LRRN2: variants seen among roughly 807,000 people sequenced by gnomAD.
The protein encoded by LRRN2 is leucine-rich repeat neuronal protein 2.
Under a neutral mutation model 35.7 loss-of-function variants are expected in LRRN2, and 10 were observed. The observed-to-expected ratio is 0.28, with a 90% CI of 0.17 to 0.47. LRRN2 has a LOEUF of 0.47. Among genes scored for constraint, LRRN2 ranks in the 20% least tolerant of loss-of-function variants. LRRN2 has a pLI of 0.99. For missense variants in LRRN2, 731 were observed against 940.3 expected (o/e 0.78, Z 2.91); for synonymous variants, 391 against 409.6 (o/e 0.95, Z 0.55).
intron 1 of LRRN2, among the ~76,000 whole-genome samples, chr1:204,668,256 T>C (rs2102623454): frequency 6.6e-6 from 1 of 152,230 alleles, no homozygotes; most frequent in Non-Finnish European, 1.5e-5. Context: ...AATTTGAACT[T>C]GCAGCAGTCT....
intron 1 of LRRN2, among the ~76,000 whole-genome samples, chr1:204,652,314 C>A (rs963242729): frequency 4.7e-5 from 7 of 147,444 alleles, no homozygotes; most frequent in Non-Finnish European, 1.0e-4. Context: ...ACCACAGCTG[C>A]AGGCGCCTTG....
intron 1 of LRRN2, among the ~76,000 whole-genome samples, chr1:204,670,551 G>A (rs1668686264): frequency 6.6e-6 from 1 of 152,154 alleles, no homozygotes. Flanking sequence ...AGCCGTTCGT[G>A]TGGCTGAGAT....
At position 204,617,674 on chromosome 1, in the gene LRRN2, T is replaced by C; in HGVS notation, c.*177A>G. On this transcript the variant is annotated 3_prime_UTR_variant, in exon 2 of 2. Coordinates refer to ENST00000367177, the MANE Select transcript of LRRN2 (RefSeq NM_201630.2). Reference sequence around the variant, plus strand: ...GACCCTAGGAGGTAAGGGCAACTTTTTCGAGGCTGCAGAAGCACCCCCAGG... The same window carrying C: ...GACCCTAGGAGGTAAGGGCAACTTTCTCGAGGCTGCAGAAGCACCCCCAGG... 1 of 702,212 alleles carries C rather than the reference T, an allele frequency of 1.4e-6. No individual in the cohort carries two copies. Among genetic ancestry groups the C allele is most frequent in the South Asian group, 1.8e-5 (1 of 55,754 alleles). 43.5% of individuals were successfully genotyped at this position (702,212 alleles called of 1,614,324 possible).
intron 1 of LRRN2, among the ~76,000 whole-genome samples, chr1:204,655,371 CCT>C (rs1296241040): frequency 1.3e-5 from 2 of 152,024 alleles, no homozygotes; most frequent in African/African-American, 4.8e-5. Context: ...CACTGCAGCC[CCT>C]GTCTCCCAGG....
At chr1:204,659,609 GGTGTGT>G (rs113175099) in intron 1 of LRRN2, among the ~76,000 whole-genome samples, 12 of 148,056 alleles carry the variant, frequency 8.1e-5, no homozygotes, top group South Asian at 2.2e-4. Context: ...TCTACCTTCA[GGTGTGT>G]GTGTGTGTGT....
In LRRN2 at chr1:204,617,867, A is replaced by G; in HGVS notation, c.2126T>C (p.Leu709Ser). 9.3e-6 allele frequency: 15 copies of G among 1,614,024 alleles called. No homozygotes were observed. The highest frequency in any genetic ancestry group is 1.2e-5 in the Non-Finnish European group (14 of 1,179,946). ...SSEGETLLPP[L>S]SQNS ...GGCTGAGCTTCAAGAATTTTGAGAC[A>G]ATGGTGGCAACAGTGTCTCCCCTTC... is the stretch of plus-strand genomic sequence containing the variant. Residue 709 changes from leucine to serine, a missense_variant, in exon 2 of 2, where the codon TTG (leucine) becomes TCG (serine). Coordinates refer to ENST00000367177, the MANE Select transcript of LRRN2 (RefSeq NM_201630.2).
chr1:204,638,068 AG>A (rs1205348992), intron 1 of LRRN2, among the ~76,000 whole-genome samples: 1 of 151,914 alleles, frequency 6.6e-6, no homozygotes, highest in East Asian at 1.9e-4. Flanking sequence ...CACTGAGCGT[AG>A]GGGGACCCCA....
intron 1 of LRRN2, among the ~76,000 whole-genome samples, chr1:204,679,982 G>A (rs1270338536): frequency 1.3e-5 from 2 of 152,202 alleles, no homozygotes; most frequent in African/African-American, 4.8e-5. Context: ...CTGGAGGGAG[G>A]GAAGGAGGAG....
At chr1:204,660,592 C>T (rs1002995077) in intron 1 of LRRN2, among the ~76,000 whole-genome samples, 1 of 152,026 alleles carries the variant, frequency 6.6e-6, no homozygotes, top group African/African-American at 2.4e-5. Flanking sequence ...CTCTCTCTCT[C>T]TCTCTCTCTC....
chr1:204,681,474 G>A (rs1021375260), intron 1 of LRRN2, among the ~76,000 whole-genome samples: 16 of 152,162 alleles, frequency 1.1e-4, no homozygotes, highest in African/African-American at 3.6e-4. Context: ...ATTTATAGAT[G>A]AGGAAACTGA....
At chr1:204,654,207 A>G (rs191277641) in intron 1 of LRRN2, among the ~76,000 whole-genome samples, 9 of 152,312 alleles carry the variant, frequency 5.9e-5, no homozygotes, top group Admixed American at 3.9e-4. Flanking sequence ...GCCAACCCAA[A>G]GTCAGTAAGG....
rs1210132510 is a variant in LRRN2, at chr1:204,619,917, G to T, written c.76C>A (p.His26Asn). ...ATAAVPVVPWHVPCPPQCACQ... is the reference protein window; with the variant it reads ...ATAAVPVVPWNVPCPPQCACQ... ...GCACACTGAGGGGGGCAGGGAACATGCCAGGGTACCACGGGCACAGCGGCA... is the reference window on the plus strand; with the variant it reads ...GCACACTGAGGGGGGCAGGGAACATTCCAGGGTACCACGGGCACAGCGGCA... Residue 26 changes from histidine to asparagine, a missense_variant, in exon 2 of 2, where the codon CAT becomes AAT. Around this residue, in one of 3 missense-constraint regions of LRRN2, gnomAD observed 246 missense variants for 289.5 expected, o/e 0.85. Transcript: ENST00000367177. 1.2e-6 allele frequency: 2 copies of T among 1,613,804 alleles called. No individual in the cohort carries two copies. Among genetic ancestry groups the T allele is most frequent in the Admixed American group, 1.7e-5 (1 of 59,990 alleles).
intron 1 of LRRN2, among the ~76,000 whole-genome samples, chr1:204,643,738 G>A (rs1668036673): frequency 6.6e-6 from 1 of 151,998 alleles, no homozygotes; most frequent in African/African-American, 2.4e-5. Flanking sequence ...AATGATGAAG[G>A]CAGCAACAAT....
chr1:204,668,979 A>G (rs1668648472), intron 1 of LRRN2, among the ~76,000 whole-genome samples: 1 of 152,090 alleles, frequency 6.6e-6, no homozygotes, highest in Non-Finnish European at 1.5e-5. Context: ...TCTGGCCACT[A>G]CACCTGGCTA....
chr1:204,639,254 G>A (rs1667928012), intron 1 of LRRN2, among the ~76,000 whole-genome samples: 1 of 152,226 alleles, frequency 6.6e-6, no homozygotes, highest in African/African-American at 2.4e-5. Context: ...CCTGTGTACA[G>A]GATCACAGAG....
chr1:204,619,020 A>G lies in LRRN2; in HGVS notation c.973T>C (p.Phe325Leu), dbSNP rs1483593450. ...LDITNNPRLS[F>L]IHPRAFHHLP... Reference sequence around the variant, plus strand: ...TGGTGGAAGGCGCGGGGGTGGATGAAGGACAGCCGTGGGTTATTGGTGATG... The same window carrying G: ...TGGTGGAAGGCGCGGGGGTGGATGAGGGACAGCCGTGGGTTATTGGTGATG... The change falls in exon 2 of 2, where the codon TTC becomes CTC. Residue 325 changes from phenylalanine to leucine, a missense_variant. Coordinates refer to ENST00000367177, the MANE Select transcript of LRRN2 (RefSeq NM_201630.2). The G allele has an allele frequency of 1.2e-6, 2 of 1,609,334 alleles. No individual in the cohort carries two copies. The highest frequency in any genetic ancestry group is 1.7e-6 in the Non-Finnish European group (2 of 1,176,786).
intron 1 of LRRN2, among the ~76,000 whole-genome samples, chr1:204,639,686 A>G (rs754353682): frequency 2.0e-5 from 3 of 152,232 alleles, no homozygotes; most frequent in Non-Finnish European, 4.4e-5. Context: ...TATGCCTTGT[A>G]TAGCTAAAAT....
chr1:204,682,195 T>A (rs1170290006), intron 1 of LRRN2, among the ~76,000 whole-genome samples: 1 of 152,160 alleles, frequency 6.6e-6, no homozygotes, highest in Non-Finnish European at 1.5e-5. Flanking sequence ...AGGTGGGGTG[T>A]GGGATGAGGG....
chr1:204,677,852 CA>C (rs889617578), intron 1 of LRRN2, among the ~76,000 whole-genome samples: 4 of 152,096 alleles, frequency 2.6e-5, no homozygotes, highest in African/African-American at 9.7e-5. Context: ...GGAAAGAGTA[CA>C]GGGGGCATTG....
Sources: allele counts gnomAD v4.1 joint callset (sites outside exome capture counted in the v4.1 genomes callset), GRCh38; gene constraint gnomAD v4.1.1; regional missense constraint gnomAD v4.1.1; transcripts MANE v1.5; gene names NCBI Gene and HGNC (gene_info 2026-07-23, HGNC 2026-07-21).